Variants in GALNT7 observed in about 807,000 individuals in gnomAD.
The protein encoded by GALNT7 is N-acetylgalactosaminyltransferase 7.
In GALNT7, 60 loss-of-function variants were observed where a neutral mutation model predicts 82.1. The observed-to-expected ratio is 0.73, with a 90% CI of 0.59 to 0.91. The LOEUF is 0.91. Among genes scored for constraint, GALNT7 ranks in the 40% least tolerant of loss-of-function variants. GALNT7 has a pLI of 0.00. For missense variants in GALNT7, 660 were observed against 804.2 expected, an observed-to-expected ratio of 0.82 and a Z score of 2.17; for synonymous variants, 243 against 275.1, an observed-to-expected ratio of 0.88 and a Z score of 1.15.
intron 1 of GALNT7, among the ~76,000 whole-genome samples, chr4:173,228,031 T>C (rs2126703013): frequency 6.6e-6 from 1 of 152,182 alleles, no homozygotes; most frequent in South Asian, 2.1e-4. Context: ...ATGACCCCTT[T>C]GGCAGCCAAC....
At chr4:173,258,169 A>G (rs534648438) in intron 2 of GALNT7, among the ~76,000 whole-genome samples, 3 of 152,346 alleles carry the variant, frequency 2.0e-5, no homozygotes, top group African/African-American at 2.4e-5. Flanking sequence ...GAATCTATCT[A>G]TCTTCTGGGC....
At chr4:173,270,589 G>T (rs1190949955) in intron 2 of GALNT7, among the ~76,000 whole-genome samples, 1 of 152,170 alleles carries the variant, frequency 6.6e-6, no homozygotes, top group Non-Finnish European at 1.5e-5. Context: ...TAAGGTTTTT[G>T]ATGGATTTTT....
At chr4:173,319,837 C>T (rs1737738527) in intron 11 of GALNT7, among the ~76,000 whole-genome samples, 1 of 151,996 alleles carries the variant, frequency 6.6e-6, no homozygotes, top group African/African-American at 2.4e-5. Context: ...AGCAAAATGC[C>T]ATAGGACAGA....
chr4:173,184,629 A>G lies in GALNT7; in HGVS notation c.126+15668A>G, dbSNP rs1295746365. On this transcript the variant is annotated intron_variant, in intron 1 of 11. Coordinates refer to ENST00000265000, the MANE Select transcript of GALNT7 (RefSeq NM_017423.3). The stretch of plus-strand genomic sequence containing the variant: ...TCAGAGGGAGACCAGGGAGAGGGAG[A>G]GGGAGGGGGAGGGGGAGGGGGAGAA... Among the ~76,000 whole-genome samples, 255 of 40,354 alleles carry G rather than the reference A, an allele frequency of 6.3e-3. 2 individuals are homozygous for G. The highest frequency in any genetic ancestry group is 0.023 in the African/African-American group (227 of 9,952). The allele number at this position is 40,354 out of a possible 152,430, so 26.5% of individuals were successfully genotyped here. A position where few individuals can be genotyped will look rare whatever the true frequency, so the allele number is the denominator to read the frequency against.
intron 1 of GALNT7, among the ~76,000 whole-genome samples, chr4:173,191,829 T>C (rs1336597978): frequency 1.3e-5 from 2 of 152,234 alleles, no homozygotes; most frequent in Non-Finnish European, 2.9e-5. Context: ...TTGTTTTTAG[T>C]TTCTGTGACT....
rs1451009750 is a variant in GALNT7 at position 173,302,382 on chromosome 4, A to G, written c.1266+218A>G. ...CCATATATTTACAGGGCTCAGCTCA[A>G]AATTGTGGCTAGCAAGCTTTAGAAA... On this transcript the variant is annotated intron_variant, in intron 7 of 11. Coordinates refer to ENST00000265000, the MANE Select transcript of GALNT7 (RefSeq NM_017423.3). The surrounding 1 kb of genome is among the most constrained non-coding windows in gnomAD (Gnocchi z 4.2). 6.6e-6 allele frequency among the ~76,000 whole-genome samples: 1 copy of G among 152,206 alleles called. No individual in the cohort carries two copies.
intron 1 of GALNT7, among the ~76,000 whole-genome samples, chr4:173,181,861 G>A (rs966308027): frequency 5.6e-4 from 85 of 152,066 alleles, no homozygotes; most frequent in African/African-American, 2.0e-3. Context: ...TAATGAATGC[G>A]GCTTCGTCTT....
chr4:173,288,050 G>A (rs369408127), intron 2 of GALNT7, among the ~76,000 whole-genome samples: 23 of 152,026 alleles, frequency 1.5e-4, no homozygotes, highest in South Asian at 1.0e-3. Flanking sequence ...TTGGGAGGCC[G>A]AGGCGGGCGG....
chr4:173,250,962 C>T (rs966152918), intron 2 of GALNT7, among the ~76,000 whole-genome samples: 2 of 152,334 alleles, frequency 1.3e-5, no homozygotes, highest in Non-Finnish European at 2.9e-5. Flanking sequence ...GCTAAGGCCC[C>T]ACTTTATTCT....
intron 2 of GALNT7, among the ~76,000 whole-genome samples, chr4:173,256,314 T>A (rs1324882445): frequency 6.6e-6 from 1 of 152,182 alleles, no homozygotes; most frequent in Non-Finnish European, 1.5e-5. Context: ...GTGAAATTGC[T>A]CTGTTATTAG....
intron 1 of GALNT7, among the ~76,000 whole-genome samples, chr4:173,243,648 T>C (rs1561170216): frequency 6.6e-6 from 1 of 152,244 alleles, no homozygotes; most frequent in Non-Finnish European, 1.5e-5. Flanking sequence ...CTTAGTTGAC[T>C]TGGGGTTAGA....
chr4:173,249,775 G>A (rs1734786341), intron 2 of GALNT7, among the ~76,000 whole-genome samples: 1 of 152,114 alleles, frequency 6.6e-6, no homozygotes, highest in East Asian at 1.9e-4. Flanking sequence ...GGTGTTCTGT[G>A]TTTTATCTGG....
At chr4:173,252,563 G>A (rs1405304756) in intron 2 of GALNT7, among the ~76,000 whole-genome samples, 1 of 152,200 alleles carries the variant, frequency 6.6e-6, no homozygotes, top group East Asian at 1.9e-4. Context: ...TACATTCACT[G>A]ACTGAGTAAT....
chr4:173,313,574 A>G (rs1233937580), intron 8 of GALNT7, among the ~76,000 whole-genome samples: 1 of 150,946 alleles, frequency 6.6e-6, no homozygotes, highest in East Asian at 1.9e-4. Flanking sequence ...CCATCACAAA[A>G]AAAAAAAAAA....
At chr4:173,209,926 A>T (rs1015851506) in intron 1 of GALNT7, among the ~76,000 whole-genome samples, 1 of 152,090 alleles carries the variant, frequency 6.6e-6, no homozygotes, top group Non-Finnish European at 1.5e-5. Flanking sequence ...CGAGGTCAGG[A>T]GTTCCAGACC....
intron 9 of GALNT7, chr4:173,316,739 T>C (rs975819180): frequency 6.6e-6 from 1 of 152,276 alleles, no homozygotes; most frequent in African/African-American, 2.4e-5. Context: ...CATTCTGACA[T>C]CTGCACTTTA....
intron 5 of GALNT7, among the ~76,000 whole-genome samples, chr4:173,296,804 G>GGA (rs971427240): frequency 2.0e-5 from 3 of 152,158 alleles, no homozygotes; most frequent in African/African-American, 7.2e-5. Flanking sequence ...TGGGCAGTGA[G>GGA]GAAGTGGTTT....
chr4:173,198,044 C>T (rs1371616007), intron 1 of GALNT7, among the ~76,000 whole-genome samples: 3 of 149,866 alleles, frequency 2.0e-5, no homozygotes, highest in African/African-American at 7.4e-5. Context: ...CTAGCTTTAC[C>T]TGATTTTACT....
At chr4:173,269,984 A>G (rs1735664919) in intron 2 of GALNT7, among the ~76,000 whole-genome samples, 1 of 152,246 alleles carries the variant, frequency 6.6e-6, no homozygotes, top group Non-Finnish European at 1.5e-5. Context: ...GAAGTCGTTT[A>G]CAAAAGTCCT....
Sources: allele counts gnomAD v4.1 joint callset (sites outside exome capture counted in the v4.1 genomes callset), GRCh38; gene constraint gnomAD v4.1.1; non-coding constraint Gnocchi (gnomAD v3.1); transcripts MANE v1.5; gene names NCBI Gene and HGNC (gene_info 2026-07-23, HGNC 2026-07-21).